Variants in CYRIA observed in about 807,000 individuals in gnomAD.
The protein encoded by CYRIA is CYFIP related Rac1 interactor A, also known as CYFIP-related Rac1 interactor A.
In CYRIA, 15 loss-of-function variants were observed where a neutral mutation model predicts 43.9. The ratio of observed to expected loss-of-function variants is 0.34; its 90% CI spans 0.23 to 0.53. The LOEUF is 0.53. Ranked by LOEUF, CYRIA falls within the 20% of genes least tolerant of loss-of-function variation. The probability of loss-of-function intolerance (pLI) is 0.94; values close to 1 mark genes in which losing one functional copy is unlikely to be tolerated. For synonymous variants in CYRIA, 117 were observed against 136.0 expected, an observed-to-expected ratio of 0.86 and a Z score of 0.97; for missense variants, 236 against 394.2, an observed-to-expected ratio of 0.60 and a Z score of 3.40.
intron 1 of CYRIA, among the ~76,000 whole-genome samples, chr2:16,659,191 T>C (rs1441760591): frequency 6.6e-6 from 1 of 152,216 alleles, no homozygotes; most frequent in Admixed American, 6.5e-5. Context: ...ATGAGTGTTC[T>C]ACCCAAGACA....
chr2:16,616,285 A>G (rs1214367799), intron 2 of CYRIA, among the ~76,000 whole-genome samples: 1 of 152,202 alleles, frequency 6.6e-6, no homozygotes, highest in Non-Finnish European at 1.5e-5. Context: ...AAAGGCTTCA[A>G]GTAGAACTTA....
chr2:16,567,101 C>T (rs2103420991), intron 3 of CYRIA, among the ~76,000 whole-genome samples: 1 of 152,056 alleles, frequency 6.6e-6, no homozygotes, highest in Admixed American at 6.6e-5. Flanking sequence ...ACCAGTGTTT[C>T]TCTGGGGATA....
chr2:16,561,390 G>T (rs989175839), intron 7 of CYRIA, 66 bp downstream of exon 7: 1 of 1,523,798 alleles, frequency 6.6e-7, no homozygotes, highest in African/African-American at 1.4e-5. Flanking sequence ...TCTGTGCTCT[G>T]CCTGATGCAG....
Position 16,552,048 on chromosome 2 carries a change from C to A in CYRIA, c.*888G>T, listed in dbSNP as rs1666333346. On this transcript the variant is annotated 3_prime_UTR_variant, in exon 12 of 12. Transcript: ENST00000381323. Reference sequence around the variant, plus strand: ...TGAATGGTCTTCAGAGAACAGGGCTCTTATGAGGGGTGGCTGTGCACCCAG... The same window carrying A: ...TGAATGGTCTTCAGAGAACAGGGCTATTATGAGGGGTGGCTGTGCACCCAG... 6.6e-6 allele frequency: 1 copy of A among 152,066 alleles called. No homozygotes were observed. The highest frequency in any genetic ancestry group is 1.5e-5 in the Non-Finnish European group (1 of 68,002). The allele number at this position is 152,066 out of a possible 1,614,324, so 9.4% of individuals were successfully genotyped here.
intron 3 of CYRIA, among the ~76,000 whole-genome samples, chr2:16,582,735 T>C (rs780850821): frequency 6.6e-6 from 1 of 152,212 alleles, no homozygotes; most frequent in Admixed American, 6.5e-5. Context: ...TGAATTGATA[T>C]AACATTTCAT....
intron 2 of CYRIA, among the ~76,000 whole-genome samples, chr2:16,593,278 T>C (rs143823002): frequency 4.6e-5 from 7 of 152,284 alleles, no homozygotes; most frequent in Non-Finnish European, 8.8e-5. Flanking sequence ...GTCCTTTATG[T>C]ATATCTTTTC....
intron 1 of CYRIA, 107 bp from the exon 2 acceptor site, chr2:16,624,126 T>A (rs752750365): frequency 3.3e-5 from 5 of 152,224 alleles, no homozygotes; most frequent in African/African-American, 7.2e-5. Context: ...TCACAGATTA[T>A]CAGGCCTGAA....
intron 1 of CYRIA, among the ~76,000 whole-genome samples, chr2:16,626,374 T>C (rs1669166247): frequency 6.6e-6 from 1 of 151,606 alleles, no homozygotes; most frequent in African/African-American, 2.4e-5. Flanking sequence ...TCTGAGAGGG[T>C]TTTAGTGCCA....
chr2:16,665,270 T>C (rs1472220874), intron 1 of CYRIA, among the ~76,000 whole-genome samples: 1 of 152,024 alleles, frequency 6.6e-6, no homozygotes, highest in African/African-American at 2.4e-5. Flanking sequence ...TGCTGGGTCC[T>C]AGGCACAGCA....
chr2:16,567,731 T>G (rs1163350594), intron 3 of CYRIA, among the ~76,000 whole-genome samples: 1 of 152,150 alleles, frequency 6.6e-6, no homozygotes, highest in Non-Finnish European at 1.5e-5. Context: ...TAGGTCCTCA[T>G]AGGTTATCCA....
chr2:16,589,556 T>G (rs554282190), intron 2 of CYRIA, among the ~76,000 whole-genome samples: 1 of 152,212 alleles, frequency 6.6e-6, no homozygotes, highest in African/African-American at 2.4e-5. Context: ...GGGCAAGAGA[T>G]TTCATCTCCA....
intron 1 of CYRIA, 105 bp downstream of exon 1, chr2:16,665,675 C>T (rs1445489058): frequency 6.6e-6 from 1 of 150,876 alleles, no homozygotes; most frequent in Non-Finnish European, 1.5e-5. Flanking sequence ...CAGGGAGGCG[C>T]CCGCCCCGCC....
intron 1 of CYRIA, among the ~76,000 whole-genome samples, chr2:16,636,334 G>A (rs1669497574): frequency 1.3e-5 from 2 of 152,140 alleles, no homozygotes; most frequent in African/African-American, 4.8e-5. Flanking sequence ...TCGAGATGTG[G>A]CAAGACCCAG....
chr2:16,607,473 A>G (rs1668448423), intron 2 of CYRIA, among the ~76,000 whole-genome samples: 1 of 152,228 alleles, frequency 6.6e-6, no homozygotes, highest in South Asian at 2.1e-4. Context: ...GCAAGGCTAT[A>G]AGCCTGGCTT....
At chr2:16,657,777 T>C (rs1192883849) in intron 1 of CYRIA, among the ~76,000 whole-genome samples, 1 of 152,230 alleles carries the variant, frequency 6.6e-6, no homozygotes, top group East Asian at 1.9e-4. Context: ...GCATAAGCCA[T>C]GTATTACATA....
At chr2:16,656,600 C>G (rs531533795) in intron 1 of CYRIA, among the ~76,000 whole-genome samples, 5 of 152,224 alleles carry the variant, frequency 3.3e-5, no homozygotes, top group Non-Finnish European at 7.3e-5. Context: ...CAGAAGGACA[C>G]AGTGGGTCCT....
chr2:16,639,194 G>A lies in CYRIA; in HGVS notation c.-166-15175C>T, dbSNP rs138770178. Among the ~76,000 whole-genome samples, 902 of 152,320 alleles carry A rather than the reference G, an allele frequency of 5.9e-3. 9 individuals are homozygous for A. Among genetic ancestry groups the A allele is most frequent in the South Asian group, 0.039 (186 of 4,826 alleles). ...GTAATCGCTCGTCCTCGTCTCCCAT[G>A]TTCTGGGCTAACTTTCTGATCCATC... On this transcript the variant is annotated intron_variant, in intron 1 of 11. Coordinates refer to ENST00000381323, the MANE Select transcript of CYRIA (RefSeq NM_030797.4).
At chr2:16,585,987 A>G (rs903203518) in intron 3 of CYRIA, among the ~76,000 whole-genome samples, 8 of 152,126 alleles carry the variant, frequency 5.3e-5, no homozygotes, top group Non-Finnish European at 2.9e-5. Flanking sequence ...AAGGCTTTTG[A>G]GATTAGACTT....
chr2:16,583,505 T>C (rs1667620878), intron 3 of CYRIA, among the ~76,000 whole-genome samples: 1 of 152,168 alleles, frequency 6.6e-6, no homozygotes, highest in Non-Finnish European at 1.5e-5. Flanking sequence ...CAGGTAACCA[T>C]ATAAAAAGAA....
Sources: gnomAD v4.1 joint callset for allele counts (sites outside exome capture counted in the v4.1 genomes callset) on GRCh38, gnomAD v4.1.1 for gene constraint, MANE v1.5 for transcripts, NCBI Gene and HGNC (gene_info 2026-07-23, HGNC 2026-07-21) for gene names.